CCDC174: variants seen among roughly 807,000 people sequenced by gnomAD.
The protein encoded by CCDC174 is coiled-coil domain-containing protein 174.
In CCDC174, 37 loss-of-function variants were observed where a neutral mutation model predicts 57.1. The observed-to-expected ratio is 0.65, with a 90% CI of 0.50 to 0.85. CCDC174 has a LOEUF of 0.85. Ranked by LOEUF, CCDC174 falls within the 40% of genes least tolerant of loss-of-function variation. The pLI is 0.00. For synonymous variants in CCDC174, 182 were observed against 190.2 expected (o/e 0.96, Z 0.35); for missense variants, 540 against 574.3 (o/e 0.94, Z 0.61).
intron 9 of CCDC174, among the ~76,000 whole-genome samples, chr3:14,669,530 G>C (rs1165197719): frequency 1.3e-5 from 2 of 152,122 alleles, no homozygotes; most frequent in Admixed American, 6.6e-5. Flanking sequence ...GGCTCTGCTT[G>C]CTTCGCCTGA....
At chr3:14,660,511 G>A (rs1410319290) in intron 4 of CCDC174, among the ~76,000 whole-genome samples, 2 of 151,312 alleles carry the variant, frequency 1.3e-5, no homozygotes, top group Non-Finnish European at 2.9e-5. Context: ...TTCAGAAAAA[G>A]AAAAAAAAAG....
At chr3:14,669,034 A>G (rs2031430243) in intron 9 of CCDC174, among the ~76,000 whole-genome samples, 1 of 152,200 alleles carries the variant, frequency 6.6e-6, no homozygotes, top group South Asian at 2.1e-4. Flanking sequence ...GTGAGTGGGA[A>G]GTTACATACA....
intron 8 of CCDC174, 51 bp from the exon 9 acceptor site, chr3:14,667,998 G>A: frequency 6.5e-7 from 1 of 1,544,854 alleles, no homozygotes; most frequent in South Asian, 1.2e-5. Flanking sequence ...TTTTGGACAG[G>A]AATATTGCAA....
At chr3:14,655,491 CAT>C (rs748899280) in intron 2 of CCDC174, 36 bp from the exon 3 acceptor site, 172 of 1,351,970 alleles carry the variant, frequency 1.3e-4, no homozygotes, top group Non-Finnish European at 1.7e-4. Flanking sequence ...TTTTGGCAAT[CAT>C]GTGGTTCTGT....
At chr3:14,663,873 C>T (rs931354244) in intron 5 of CCDC174, among the ~76,000 whole-genome samples, 11 of 152,224 alleles carry the variant, frequency 7.2e-5, no homozygotes, top group East Asian at 3.8e-4. Context: ...TGAAGGAAGA[C>T]GCTCTGCAAG....
At chr3:14,656,228 G>C (rs773895908) in intron 3 of CCDC174, among the ~76,000 whole-genome samples, 6 of 151,898 alleles carry the variant, frequency 4.0e-5, no homozygotes, top group Admixed American at 2.6e-4. Flanking sequence ...CTATTTTGTG[G>C]TCCATATTCA....
chr3:14,653,076 G>C (rs770871464), intron 1 of CCDC174, among the ~76,000 whole-genome samples: 1 of 152,046 alleles, frequency 6.6e-6, no homozygotes, highest in African/African-American at 2.4e-5. Context: ...AAAACATATA[G>C]GTGTCCCAAT....
rs548230377 is a variant in CCDC174 at position 14,667,898 on chromosome 3, A to T, written c.820-151A>T. 72 of 685,464 alleles carry T rather than the reference A, an allele frequency of 1.1e-4. No homozygotes were observed. The African/African-American group carries it at 1.2e-3, about 12-fold the overall frequency. The allele number at this position is 685,464 out of a possible 1,614,324, so 42.5% of individuals were successfully genotyped here. A position where few individuals can be genotyped will look rare whatever the true frequency, so the allele number is the denominator to read the frequency against. ...GAGGGTTCATAGGAGAGTACTTCAT[A>T]GGGCTTCATTGTGAGGATCTCAAGG... On this transcript the variant is annotated intron_variant, in intron 8 of 10. Coordinates refer to ENST00000383794, the MANE Select transcript of CCDC174 (RefSeq NM_016474.5).
rs2031141134 is a variant in CCDC174, at chr3:14,661,627, A to G, written c.405A>G (p.Gln135=). 5 of 1,614,244 alleles carry G rather than the reference A, an allele frequency of 3.1e-6. No individual in the cohort carries two copies. Among genetic ancestry groups the G allele is most frequent in the South Asian group, 1.1e-5 (1 of 91,086 alleles). Residue 135 remains glutamine, a synonymous_variant, in exon 5 of 11, where the codon CAA becomes CAG. Coordinates refer to ENST00000383794, the MANE Select transcript of CCDC174 (RefSeq NM_016474.5). ...MEASGAHRDS[Q]KAGERDDDEE... ...CATCTGGTGCCCATAGAGATTCTCAAAAGGCAGGAGAAAGGGACGACGATG... is the reference window on the plus strand; with the variant it reads ...CATCTGGTGCCCATAGAGATTCTCAGAAGGCAGGAGAAAGGGACGACGATG...
intron 3 of CCDC174, 49 bp from the exon 4 acceptor site, chr3:14,658,822 A>G (rs772060425): frequency 2.0e-6 from 3 of 1,520,148 alleles, no homozygotes; most frequent in Admixed American, 1.9e-5. Context: ...GGCAACCAGG[A>G]TGAACAGTTA....
intron 5 of CCDC174, among the ~76,000 whole-genome samples, chr3:14,664,191 A>G (rs1452899398): frequency 1.3e-5 from 2 of 152,232 alleles, no homozygotes; most frequent in South Asian, 2.1e-4. Context: ...AGAGGAAAAA[A>G]AATTGCTAAC....
intron 3 of CCDC174, among the ~76,000 whole-genome samples, chr3:14,657,075 T>G (rs772788972): frequency 6.6e-6 from 1 of 152,222 alleles, no homozygotes; most frequent in Non-Finnish European, 1.5e-5. Flanking sequence ...CTTGGACATA[T>G]TCTCAGAATT....
rs777782903 is a variant in CCDC174 at position 14,654,452 on chromosome 3, C to G, written c.69C>G (p.Phe23Leu). Residue 23 changes from phenylalanine (F) to leucine (L), a missense_variant, in exon 2 of 11, where the codon TTC (phenylalanine) becomes TTG (leucine). Physicochemically the swap from Phe to Leu is conservative, Grantham distance 22 (BLOSUM62 0). Coordinates refer to ENST00000383794, the MANE Select transcript of CCDC174 (RefSeq NM_016474.5). ...TGGTAGATCTTAAGGCTGAACTCTT[C>G]CGAAAGCAAGAAGAATTCAAACAAG... ...SSLVDLKAEL[F>L]RKQEEFKQEK... The G allele has an allele frequency of 6.2e-7, 1 of 1,606,082 alleles. No homozygotes were observed. Among genetic ancestry groups the G allele is most frequent in the South Asian group, 1.1e-5 (1 of 89,298 alleles).
intron 1 of CCDC174, among the ~76,000 whole-genome samples, chr3:14,652,758 C>T (rs545178541): frequency 2.0e-5 from 3 of 152,180 alleles, no homozygotes; most frequent in South Asian, 4.1e-4. Context: ...AAAAATTAGC[C>T]GGGCGTGGTG....
intron 5 of CCDC174, among the ~76,000 whole-genome samples, chr3:14,663,228 A>G (rs903524221): frequency 1.3e-5 from 2 of 151,934 alleles, no homozygotes; most frequent in African/African-American, 4.8e-5. Flanking sequence ...GCTCTTCTTG[A>G]ACTCCTGGGC....
intron 1 of CCDC174, 152 bp from the exon 2 acceptor site, chr3:14,654,274 T>TTTAAACATTTAGTTAC: frequency 1.6e-6 from 1 of 608,874 alleles, no homozygotes; most frequent in Non-Finnish European, 2.9e-6. Flanking sequence ...GGATTCTACA[T>TTTAAACATTTAGTTAC]TTAAACATTT....
At position 14,666,840 on chromosome 3, in the gene CCDC174, C is replaced by A; in HGVS notation, c.617C>A (p.Ser206Tyr). The part of the protein sequence containing the change: ...ISPANEKTLL[S>Y]EDMRKELQRQ... Reference sequence around the variant, plus strand: ...CCTGCTAATGAAAAAACCCTATTATCTGAAGATATGAGAAAAGAACTTCAG... The same window carrying A: ...CCTGCTAATGAAAAAACCCTATTATATGAAGATATGAGAAAAGAACTTCAG... The change falls in exon 7 of 11, where the codon TCT becomes TAT. Residue 206 changes from serine to tyrosine, a missense_variant. Ser to Tyr is a moderately radical substitution (Grantham distance 144). Transcript: ENST00000383794. 1 of 1,591,692 alleles carries A rather than the reference C, an allele frequency of 6.3e-7. No individual in the cohort carries two copies. The highest frequency in any genetic ancestry group is 1.2e-5 in the South Asian group (1 of 86,496).
At chr3:14,660,558 C>T (rs2031096693) in intron 4 of CCDC174, among the ~76,000 whole-genome samples, 3 of 152,182 alleles carry the variant, frequency 2.0e-5, no homozygotes, top group Admixed American at 2.0e-4. Flanking sequence ...TTGATTCAAA[C>T]TTTACTTATG....
intron 6 of CCDC174, 105 bp downstream of exon 6, chr3:14,665,228 A>G (rs1239737816): frequency 2.5e-6 from 2 of 785,800 alleles, no homozygotes; most frequent in Admixed American, 2.2e-5. Flanking sequence ...CTGTTGCTCC[A>G]GTAAGGAGAT....
Sources: allele counts gnomAD v4.1 joint callset (sites outside exome capture counted in the v4.1 genomes callset), GRCh38; gene constraint gnomAD v4.1.1; transcripts MANE v1.5; gene names NCBI Gene and HGNC (gene_info 2026-07-23, HGNC 2026-07-21).